STIM2: variants seen among roughly 807,000 people sequenced by gnomAD.
The protein encoded by STIM2 is stromal interaction molecule 2.
In STIM2, 31 loss-of-function variants were observed where a neutral mutation model predicts 85.8. That is an observed-to-expected ratio of 0.36 (90% CI 0.27 to 0.49). The LOEUF is 0.49. Ranked by LOEUF, STIM2 falls within the 20% of genes least tolerant of loss-of-function variation. The probability of loss-of-function intolerance (pLI) is 0.98; values close to 1 mark genes in which losing one functional copy is unlikely to be tolerated. For synonymous variants in STIM2, 356 were observed against 331.1 expected (o/e 1.08, Z -0.82); for missense variants, 841 against 927.6 (o/e 0.91, Z 1.21).
chr4:26,995,239 G>A lies in STIM2; in HGVS notation c.398-140G>A, dbSNP rs1350927055. 6.9e-6 allele frequency: 3 copies of A among 433,070 alleles called. No individual in the cohort carries two copies. In the East Asian group the frequency reaches 1.1e-4, roughly 16 times the overall value. The allele number at this position is 433,070 out of a possible 1,614,324, so 26.8% of individuals were successfully genotyped here. On this transcript the variant is annotated intron_variant, in intron 3 of 11. Transcript: ENST00000467087. ...TGTAAGGCTTTCTTCTTCTCATAGAGTGCTAGATACAGTTTTGGTACTTAA... is the reference window on the plus strand; with the variant it reads ...TGTAAGGCTTTCTTCTTCTCATAGAATGCTAGATACAGTTTTGGTACTTAA...
chr4:26,964,161 C>A (rs1560221926), intron 3 of STIM2, among the ~76,000 whole-genome samples: 2 of 152,106 alleles, frequency 1.3e-5, no homozygotes, highest in African/African-American at 4.8e-5. Flanking sequence ...TAGTGAGTCT[C>A]TGTGTAAATC....
At chr4:27,021,727 T>A (rs1728919713) in intron 11 of STIM2, 4 of 427,238 alleles carry the variant, frequency 9.4e-6, no homozygotes, top group South Asian at 6.9e-5. Flanking sequence ...TAGGAAGCCG[T>A]TGCAATCATT....
chr4:26,921,447 A>G (rs1454521700), intron 2 of STIM2, among the ~76,000 whole-genome samples: 3 of 152,244 alleles, frequency 2.0e-5, no homozygotes, highest in Non-Finnish European at 4.4e-5. Flanking sequence ...TTAGTGGGCC[A>G]TGCAGTTGCT....
At position 26,865,407 on chromosome 4, in the gene STIM2, G is replaced by T. The variant is rs77719659; in HGVS notation, c.151+4038G>T. ...GGGCCAGTTAGAAAAGTGGATCCAA[G>T]ATTTAGCTTCCTTTTATGCAAAAGG... is the stretch of plus-strand genomic sequence containing the variant. On this transcript the variant is annotated intron_variant, in intron 1 of 11. Transcript: ENST00000467087. 4.0e-3 allele frequency among the ~76,000 whole-genome samples: 610 copies of T among 152,248 alleles called. 7 individuals are homozygous for T. The highest frequency in any genetic ancestry group is 0.014 in the African/African-American group (579 of 41,546).
At chr4:26,886,446 A>T (rs1216757802) in intron 1 of STIM2, among the ~76,000 whole-genome samples, 1 of 152,202 alleles carries the variant, frequency 6.6e-6, no homozygotes. Context: ...AAGGTAGAGA[A>T]TGTTAGGGAA....
intron 1 of STIM2, among the ~76,000 whole-genome samples, chr4:26,879,873 AG>A (rs1218344735): frequency 1.3e-5 from 2 of 152,110 alleles, no homozygotes; most frequent in Non-Finnish European, 2.9e-5. Flanking sequence ...TATGGGTTCT[AG>A]CCACCACATT....
At chr4:26,970,635 A>G (rs1726910834) in intron 3 of STIM2, among the ~76,000 whole-genome samples, 1 of 152,078 alleles carries the variant, frequency 6.6e-6, no homozygotes, top group South Asian at 2.1e-4. Flanking sequence ...TTCTTAATTC[A>G]GTCTATCATT....
At position 26,992,919 on chromosome 4, in the gene STIM2, T is replaced by C. The variant is rs80158165; in HGVS notation, c.398-2460T>C. ...TGTCAAGACCACTACAATTTTCAAT[T>C]TGCTAAGCAGAGTATTACTAAGATT... On this transcript the variant is annotated intron_variant, in intron 3 of 11. Transcript: ENST00000467087. Among the ~76,000 whole-genome samples the C allele has an allele frequency of 9.3e-4, 141 of 152,234 alleles. 1 individual carries two copies. The highest frequency in any genetic ancestry group is 6.4e-3 in the East Asian group (33 of 5,188).
At chr4:27,007,486 C>T (rs955904335) in intron 7 of STIM2, 47 bp from the exon 8 acceptor site, 13 of 1,283,254 alleles carry the variant, frequency 1.0e-5, no homozygotes, top group South Asian at 4.5e-5. Flanking sequence ...TTTAATCCTT[C>T]CTTCCTCCCT....
chr4:27,006,498 C>G (rs766537416), intron 7 of STIM2, among the ~76,000 whole-genome samples: 4 of 152,198 alleles, frequency 2.6e-5, no homozygotes, highest in Non-Finnish European at 5.9e-5. Context: ...AGCTTTGCCT[C>G]AAGGTCTTGA....
At chr4:26,937,423 C>T (rs958266379) in intron 2 of STIM2, among the ~76,000 whole-genome samples, 3 of 152,154 alleles carry the variant, frequency 2.0e-5, no homozygotes, top group Non-Finnish European at 4.4e-5. Flanking sequence ...GCCTTTTCAG[C>T]ATCACAGCAC....
chr4:26,879,535 TTAAG>T (rs1467720440), intron 1 of STIM2, among the ~76,000 whole-genome samples: 1 of 152,194 alleles, frequency 6.6e-6, no homozygotes, highest in Non-Finnish European at 1.5e-5. Context: ...AGTCATTGTG[TTAAG>T]TTTTTCATAG....
At chr4:26,911,146 A>G (rs559883104) in intron 1 of STIM2, among the ~76,000 whole-genome samples, 1 of 152,224 alleles carries the variant, frequency 6.6e-6, no homozygotes, top group Admixed American at 6.5e-5. Flanking sequence ...CTGAGGCAGG[A>G]GAATCGCTTG....
rs188501252 is a variant in STIM2, at chr4:26,992,376, G to A, written c.398-3003G>A. On this transcript the variant is annotated intron_variant, in intron 3 of 11. Transcript: ENST00000467087. ...GTTGAAGTAACAATCATACAGATAAGTAGTTATAGTTATTTAAATGCTATG... is the reference window on the plus strand; with the variant it reads ...GTTGAAGTAACAATCATACAGATAAATAGTTATAGTTATTTAAATGCTATG... Among the ~76,000 whole-genome samples, 491 of 152,118 alleles carry A rather than the reference G, an allele frequency of 3.2e-3. 4 individuals are homozygous for A. The highest frequency in any genetic ancestry group is 4.6e-3 in the Non-Finnish European group (310 of 67,968).
At chr4:26,883,167 A>G (rs1043492293) in intron 1 of STIM2, among the ~76,000 whole-genome samples, 31 of 142,906 alleles carry the variant, frequency 2.2e-4, no homozygotes, top group African/African-American at 7.7e-4. Context: ...CTTTTCTGCC[A>G]TGGGGACTGA....
rs576990832 is a variant in STIM2 at position 26,874,659 on chromosome 4, T to C, written c.151+13290T>C. Among the ~76,000 whole-genome samples, 11 of 152,350 alleles carry C rather than the reference T, an allele frequency of 7.2e-5. No individual in the cohort carries two copies. In the South Asian group the frequency reaches 8.3e-4, roughly 11 times the overall value. ...TTTAAAAGGTTACAATTATATTTGATTTATAGTCTCACAGATTTTAAGAAC... is the reference window on the plus strand; with the variant it reads ...TTTAAAAGGTTACAATTATATTTGACTTATAGTCTCACAGATTTTAAGAAC... On this transcript the variant is annotated intron_variant, in intron 1 of 11. Coordinates refer to ENST00000467087, the MANE Select transcript of STIM2 (RefSeq NM_020860.4).
intron 1 of STIM2, among the ~76,000 whole-genome samples, chr4:26,884,603 T>G (rs953152477): frequency 6.6e-6 from 1 of 152,202 alleles, no homozygotes; most frequent in Non-Finnish European, 1.5e-5. Flanking sequence ...GGCAGGGTAA[T>G]GTACAAGCTA....
intron 10 of STIM2, among the ~76,000 whole-genome samples, chr4:27,011,394 A>G (rs1193132078): frequency 1.3e-5 from 2 of 152,130 alleles, no homozygotes; most frequent in Admixed American, 6.5e-5. Context: ...CCGTTTTTCT[A>G]CTTTCTACTT....
At chr4:26,904,261 C>T (rs1724040628) in intron 1 of STIM2, among the ~76,000 whole-genome samples, 1 of 151,884 alleles carries the variant, frequency 6.6e-6, no homozygotes, top group South Asian at 2.1e-4. Context: ...GTTTTTTAAA[C>T]ATTTTTTCAG....
Sources: allele counts gnomAD v4.1 joint callset (sites outside exome capture counted in the v4.1 genomes callset), GRCh38; gene constraint gnomAD v4.1.1; transcripts MANE v1.5; gene names NCBI Gene and HGNC (gene_info 2026-07-23, HGNC 2026-07-21).